The following HYCC1 variants were observed in gnomAD, a reference collection of about 807,000 sequenced individuals.
HYCC1 encodes hyccin PI4KA lipid kinase complex subunit 1, also known as hyccin.
the HYCC1 span, among the ~76,000 whole-genome samples, chr7:22,964,145 TTAAG>T: frequency 6.6e-6 from 1 of 152,076 alleles, no homozygotes; most frequent in Non-Finnish European, 1.5e-5. Flanking sequence ...ATGAATATAT[TTAAG>T]TGTTACTGAT....
the HYCC1 span, among the ~76,000 whole-genome samples, chr7:22,965,283 T>G: frequency 4.9e-4 from 75 of 152,134 alleles, no homozygotes; most frequent in African/African-American, 1.8e-3. Flanking sequence ...TCAAACTTCA[T>G]GCAGTATACC....
chr7:22,995,678 A>C, the HYCC1 span, among the ~76,000 whole-genome samples: 1 of 152,204 alleles, frequency 6.6e-6, no homozygotes, highest in Non-Finnish European at 1.5e-5. Flanking sequence ...AATAAATAAG[A>C]GAATAGGAGA....
the HYCC1 span, among the ~76,000 whole-genome samples, chr7:22,913,107 A>T: frequency 6.7e-6 from 1 of 148,736 alleles, no homozygotes; most frequent in East Asian, 2.0e-4. Context: ...CAGGGCAACA[A>T]GAGCGAAACT....
chr7:22,910,662 T>C, the HYCC1 span, among the ~76,000 whole-genome samples: 1 of 152,192 alleles, frequency 6.6e-6, no homozygotes, highest in Non-Finnish European at 1.5e-5. Flanking sequence ...AATGCTAAAA[T>C]ATGATGTGTA....
At chr7:22,956,390 A>C in the HYCC1 span, among the ~76,000 whole-genome samples, 2 of 151,886 alleles carry the variant, frequency 1.3e-5, no homozygotes, top group African/African-American at 4.8e-5. Context: ...AAAATTATGA[A>C]GTCATTAGAA....
chr7:22,961,253 T>C, the HYCC1 span: 3 of 1,607,264 alleles, frequency 1.9e-6, no homozygotes, highest in African/African-American at 4.0e-5. Context: ...GCTCTGGATA[T>C]AATTCTAGCT....
the HYCC1 span, among the ~76,000 whole-genome samples, chr7:22,999,101 T>A: frequency 2.3e-4 from 35 of 152,214 alleles, no homozygotes; most frequent in South Asian, 8.3e-4. Flanking sequence ...ATCATCTGAT[T>A]ATTTTAAAGA....
At chr7:23,003,147 T>G in the HYCC1 span, among the ~76,000 whole-genome samples, 1 of 152,162 alleles carries the variant, frequency 6.6e-6, no homozygotes, top group Non-Finnish European at 1.5e-5. Flanking sequence ...TGGGACACAA[T>G]GCAGCCCATA....
At chr7:22,969,754 C>T in the HYCC1 span, among the ~76,000 whole-genome samples, 11 of 152,068 alleles carry the variant, frequency 7.2e-5, no homozygotes, top group Non-Finnish European at 1.5e-4. Flanking sequence ...AAACTCCTGA[C>T]CTCAAGTGAT....
At chr7:22,969,053 TG>T in the HYCC1 span, among the ~76,000 whole-genome samples, 2 of 151,988 alleles carry the variant, frequency 1.3e-5, no homozygotes, top group East Asian at 3.9e-4. Flanking sequence ...TCTTACCACA[TG>T]GAAGAAGCCT....
chr7:22,946,363 GTAAT>G, the HYCC1 span, among the ~76,000 whole-genome samples: 1 of 152,032 alleles, frequency 6.6e-6, no homozygotes, highest in African/African-American at 2.4e-5. Flanking sequence ...TTAAATGACA[GTAAT>G]TTATAGTGTA....
At chr7:22,958,390 G>A in the HYCC1 span, among the ~76,000 whole-genome samples, 13 of 152,080 alleles carry the variant, frequency 8.5e-5, no homozygotes, top group Admixed American at 2.0e-4. Flanking sequence ...CCTGTTCCAT[G>A]CATGTGACTT....
chr7:22,905,482 G>A, the HYCC1 span, among the ~76,000 whole-genome samples: 12 of 128,142 alleles, frequency 9.4e-5, no homozygotes, highest in African/African-American at 1.2e-4. Context: ...TGATCTACCC[G>A]CCTCAGCCTC....
the HYCC1 span, among the ~76,000 whole-genome samples, chr7:22,981,414 T>C: frequency 4.6e-5 from 7 of 152,184 alleles, no homozygotes; most frequent in African/African-American, 1.4e-4. Flanking sequence ...TTGTTAGGAA[T>C]ATTTTCAAAT....
At chr7:22,916,359 C>T in the HYCC1 span, among the ~76,000 whole-genome samples, 1 of 152,058 alleles carries the variant, frequency 6.6e-6, no homozygotes, top group East Asian at 1.9e-4. Flanking sequence ...ATAAACCTAG[C>T]TGACCCCATA....
At chr7:22,962,597 A>C in the HYCC1 span, among the ~76,000 whole-genome samples, 1 of 151,972 alleles carries the variant, frequency 6.6e-6, no homozygotes, top group African/African-American at 2.4e-5. Flanking sequence ...AAAAAAGCAA[A>C]AAACCTCTCA....
chr7:22,970,892 C>T, the HYCC1 span, among the ~76,000 whole-genome samples: 1 of 152,152 alleles, frequency 6.6e-6, no homozygotes, highest in Non-Finnish European at 1.5e-5. Flanking sequence ...TTCACAAATC[C>T]AAACATAAGG....
the HYCC1 span, among the ~76,000 whole-genome samples, chr7:22,925,651 G>A: frequency 1.3e-5 from 2 of 152,054 alleles, no homozygotes; most frequent in East Asian, 3.9e-4. Context: ...AGAAAGAAAC[G>A]AACAAATCCT....
At chr7:22,978,619 C>G in the HYCC1 span, among the ~76,000 whole-genome samples, 4 of 152,150 alleles carry the variant, frequency 2.6e-5, no homozygotes, top group East Asian at 7.7e-4. Context: ...CCTGGTAAAA[C>G]ACATGCCACT....
Sources: gnomAD v4.1 joint callset for allele counts (sites outside exome capture counted in the v4.1 genomes callset) on GRCh38, gnomAD v4.1.1 for gene constraint, MANE v1.5 for transcripts, NCBI Gene and HGNC (gene_info 2026-07-23, HGNC 2026-07-21) for gene names.